Variants in NAA35 observed in about 807,000 individuals in gnomAD.
NAA35 encodes the protein N-alpha-acetyltransferase 35, NatC auxiliary subunit.
Under a neutral mutation model 101.7 loss-of-function variants are expected in NAA35, and 18 were observed. The observed-to-expected ratio is 0.18, with a 90% CI of 0.12 to 0.26. NAA35 has a LOEUF of 0.26. Ranked by LOEUF, NAA35 falls within the 10% of genes least tolerant of loss-of-function variation. NAA35 has a pLI of 1.00. For missense variants in NAA35, 601 were observed against 886.8 expected (o/e 0.68, Z 4.09); for synonymous variants, 267 against 273.1 (o/e 0.98, Z 0.22).
chr9:85,974,748 A>G (rs996251970), intron 6 of NAA35, among the ~76,000 whole-genome samples: 6 of 152,330 alleles, frequency 3.9e-5, no homozygotes, highest in Non-Finnish European at 5.9e-5. Flanking sequence ...AATTGAAAGT[A>G]AGGACAGAGA....
chr9:85,992,576 A>G (rs1830965339), intron 11 of NAA35, among the ~76,000 whole-genome samples: 1 of 152,194 alleles, frequency 6.6e-6, no homozygotes, highest in Non-Finnish European at 1.5e-5. Context: ...TAATATTCCA[A>G]AGATTCATAA....
At chr9:86,010,562 C>A (rs1831863458) in intron 15 of NAA35, among the ~76,000 whole-genome samples, 1 of 146,642 alleles carries the variant, frequency 6.8e-6, no homozygotes, top group Admixed American at 6.8e-5. Context: ...TTTTTTTTAA[C>A]CTTAGAATTT....
chr9:85,955,615 G>C (rs924772065), intron 2 of NAA35, among the ~76,000 whole-genome samples: 12 of 151,884 alleles, frequency 7.9e-5, no homozygotes, highest in African/African-American at 2.9e-4. Flanking sequence ...CACCCGCCTT[G>C]GCCTCCCAAA....
In NAA35 at chr9:86,018,287, A is replaced by G. The variant is rs777604522; in HGVS notation, c.1806A>G (p.Val602=). 2 of 1,613,904 alleles carry G rather than the reference A, an allele frequency of 1.2e-6. No individual in the cohort carries two copies. Among genetic ancestry groups the G allele is most frequent in the South Asian group, 1.1e-5 (1 of 91,074 alleles). ...TAGCATTTGACATGGACGGCAAAGT[A>G]CGTAAACCGAAGTTTGAGCTTGATA... ...TMVAFDMDGK[V]RKPKFELDSE... The change falls in exon 20 of 23, where the codon GTA becomes GTG. Residue 602 remains valine (V), a synonymous_variant. Coordinates refer to ENST00000361671, the MANE Select transcript of NAA35 (RefSeq NM_024635.4).
intron 20 of NAA35, 103 bp from the exon 21 acceptor site, chr9:86,018,592 CTGTG>C (rs1422437798): frequency 1.8e-5 from 26 of 1,430,092 alleles, no homozygotes; most frequent in Non-Finnish European, 2.4e-5. Context: ...GCCCCAGTGT[CTGTG>C]TATGAGTGGA....
At chr9:85,998,664 A>C (rs917773440) in intron 12 of NAA35, among the ~76,000 whole-genome samples, 4 of 152,210 alleles carry the variant, frequency 2.6e-5, no homozygotes, top group Non-Finnish European at 5.9e-5. Context: ...GTACCCACTG[A>C]CAGCAGAAAA....
chr9:85,945,780 A>G (rs1254754155), intron 2 of NAA35, among the ~76,000 whole-genome samples: 1 of 152,200 alleles, frequency 6.6e-6, no homozygotes, highest in East Asian at 1.9e-4. Context: ...CGGCCTCTCA[A>G]AGTGCTGGGA....
At chr9:85,973,448 C>T (rs1300552480) in intron 6 of NAA35, among the ~76,000 whole-genome samples, 3 of 152,022 alleles carry the variant, frequency 2.0e-5, no homozygotes, top group Non-Finnish European at 4.4e-5. Context: ...ATAGTGGTGA[C>T]TTAAACTAGA....
rs41306239 is a variant in NAA35 at position 85,958,404 on chromosome 9, C to T, written c.159-68C>T. 1.0e-4 allele frequency: 89 copies of T among 891,910 alleles called. 1 individual carries two copies. Among genetic ancestry groups the T allele is most frequent in the African/African-American group, 4.4e-4 (26 of 58,864 alleles). The allele number at this position is 891,910 out of a possible 1,614,324, so 55.2% of individuals were successfully genotyped here. ...TATTAAAAGTAGTATAATTTTATAC[C>T]GTTGTGAAAATATGAATAAGCTTAC... On this transcript the variant is annotated intron_variant, in intron 3 of 22. Coordinates refer to ENST00000361671, the MANE Select transcript of NAA35 (RefSeq NM_024635.4).
chr9:85,982,972 A>G (rs1213904023), intron 11 of NAA35, among the ~76,000 whole-genome samples: 4 of 152,218 alleles, frequency 2.6e-5, no homozygotes, highest in East Asian at 1.9e-4. Flanking sequence ...TCAAGGCTGC[A>G]TTATTGGTTT....
intron 2 of NAA35, among the ~76,000 whole-genome samples, chr9:85,949,978 C>T (rs527285520): frequency 2.6e-5 from 4 of 152,078 alleles, no homozygotes; most frequent in Admixed American, 2.6e-4. Flanking sequence ...TGTTAGTATA[C>T]GGTGGAATTT....
intron 2 of NAA35, among the ~76,000 whole-genome samples, chr9:85,950,530 C>T (rs1828973377): frequency 1.3e-5 from 2 of 152,144 alleles, no homozygotes; most frequent in Admixed American, 1.3e-4. Context: ...AGGTGTGAGC[C>T]ACTGCGCCCC....
chr9:85,956,136 A>AT (rs997827878), intron 2 of NAA35, among the ~76,000 whole-genome samples: 6 of 152,090 alleles, frequency 3.9e-5, no homozygotes, highest in African/African-American at 1.4e-4. Context: ...CAAAAGTATT[A>AT]TTTTTTTCCT....
At chr9:86,018,011 C>CT (rs1296008874) in intron 19 of NAA35, among the ~76,000 whole-genome samples, 3 of 152,308 alleles carry the variant, frequency 2.0e-5, no homozygotes, top group African/African-American at 7.2e-5. Context: ...GGTACTAACT[C>CT]TTAAGTTGTA....
chr9:86,004,493 A>G lies in NAA35; in HGVS notation c.1116+849A>G, dbSNP rs569722160. ...AGACCCTGTCAAAAAAAAAAAGTCT[A>G]CGGTTAGTAATTTAAGCTACCACTG... On this transcript the variant is annotated intron_variant, in intron 13 of 22. Transcript: ENST00000361671. Among the ~76,000 whole-genome samples, 12 of 152,154 alleles carry G rather than the reference A, an allele frequency of 7.9e-5. No homozygotes were observed. In the East Asian group the frequency reaches 2.1e-3, roughly 27 times the overall value.
At chr9:85,960,135 A>G (rs916802571) in intron 5 of NAA35, among the ~76,000 whole-genome samples, 3 of 152,222 alleles carry the variant, frequency 2.0e-5, no homozygotes, top group Non-Finnish European at 4.4e-5. Context: ...TTCGTTCTCA[A>G]GTTACTCAAG....
Position 86,010,766 on chromosome 9 carries a change from G to A in NAA35, c.1290+835G>A, listed in dbSNP as rs1240541264. Among the ~76,000 whole-genome samples the A allele has an allele frequency of 2.7e-5, 4 of 150,140 alleles. No homozygotes were observed. The East Asian group carries it at 8.1e-4, about 30-fold the overall frequency. On this transcript the variant is annotated intron_variant, in intron 15 of 22. Coordinates refer to ENST00000361671, the MANE Select transcript of NAA35 (RefSeq NM_024635.4). ...TTTTTTTTTTTGTATTTTTAGTAGA[G>A]ACGGGGTTTCACGTGTTAGCTAGGA... is the stretch of plus-strand genomic sequence containing the variant.
chr9:86,020,779 G>A (rs537641349), intron 21 of NAA35, 110 bp from the exon 22 acceptor site: 22 of 693,058 alleles, frequency 3.2e-5, no homozygotes, highest in East Asian at 1.5e-4. Flanking sequence ...TCAGTGAGCC[G>A]TGTTCTTACC....
At chr9:85,981,381 G>A (rs956066733) in intron 11 of NAA35, among the ~76,000 whole-genome samples, 2 of 152,184 alleles carry the variant, frequency 1.3e-5, no homozygotes, top group African/African-American at 4.8e-5. Context: ...TCAAAAAGAT[G>A]ATGCAAAGCA....
Sources: gnomAD v4.1 joint callset for allele counts (sites outside exome capture counted in the v4.1 genomes callset) on GRCh38, gnomAD v4.1.1 for gene constraint, MANE v1.5 for transcripts, NCBI Gene and HGNC (gene_info 2026-07-23, HGNC 2026-07-21) for gene names.